ARID4B: variants seen among roughly 807,000 people sequenced by gnomAD.
ARID4B encodes the protein AT-rich interactive domain-containing protein 4B.
ARID4B carries 26 observed loss-of-function variants against 147.5 expected under a neutral mutation model. That is an observed-to-expected ratio of 0.18 (90% CI 0.13 to 0.24). The LOEUF (loss-of-function observed/expected upper bound fraction) is 0.24. ARID4B is among the 10% of genes least tolerant of loss of function. The pLI, the probability that ARID4B is intolerant of heterozygous loss-of-function variation, is 1.00. For missense variants in ARID4B, 1,179 were observed against 1,511.5 expected, an observed-to-expected ratio of 0.78 and a Z score of 3.65; for synonymous variants, 512 against 507.9, an observed-to-expected ratio of 1.01 and a Z score of -0.11.
At position 235,301,038 on chromosome 1, in the gene ARID4B, C is replaced by CTTTTTTT. The variant is rs780839339; in HGVS notation, c.6+25869_6+25875dup. ...CCAACAATACATTTTTTTAAGTATT[C>CTTTTTTT]TTTTTTTTTTTTTTTTTTTTTTTTT... is the stretch of plus-strand genomic sequence containing the variant. On this transcript the variant is annotated intron_variant, in intron 2 of 23. Coordinates refer to ENST00000264183, the MANE Select transcript of ARID4B (RefSeq NM_016374.6). Among the ~76,000 whole-genome samples the CTTTTTTT allele has an allele frequency of 3.3e-3, 373 of 112,214 alleles. 21 individuals are homozygous for CTTTTTTT. The highest frequency in any genetic ancestry group is 0.013 in the African/African-American group (361 of 27,330). The allele number at this position is 112,214 out of a possible 152,430, so 73.6% of individuals were successfully genotyped here.
intron 16 of ARID4B, among the ~76,000 whole-genome samples, chr1:235,216,601 C>G (rs1353967887): frequency 6.6e-6 from 1 of 151,952 alleles, no homozygotes; most frequent in East Asian, 1.9e-4. Flanking sequence ...CCTGGGCCTC[C>G]CGAAGTGCAG....
intron 17 of ARID4B, among the ~76,000 whole-genome samples, chr1:235,205,556 G>A (rs1463939430): frequency 6.6e-6 from 1 of 152,100 alleles, no homozygotes; most frequent in Non-Finnish European, 1.5e-5. Flanking sequence ...TCAGAACACT[G>A]GATTTGGCAA....
At chr1:235,261,641 C>T (rs1670304546) in intron 2 of ARID4B, among the ~76,000 whole-genome samples, 1 of 152,122 alleles carries the variant, frequency 6.6e-6, no homozygotes, top group South Asian at 2.1e-4. Flanking sequence ...AACTTTGAAG[C>T]CAAAATATCT....
chr1:235,180,224 C>A (rs1345740602), intron 20 of ARID4B: 1 of 145,448 alleles, frequency 6.9e-6, no homozygotes, highest in Non-Finnish European at 1.5e-5. Context: ...TCACTGCAGC[C>A]TTTCCGGGAT....
intron 20 of ARID4B, 70 bp from the exon 21 acceptor site, chr1:235,177,983 AT>A: frequency 3.4e-6 from 3 of 877,040 alleles, no homozygotes; most frequent in Non-Finnish European, 5.2e-6. Context: ...TTAATTCCAC[AT>A]TTTAGAAACA....
intron 19 of ARID4B, 138 bp downstream of exon 19, chr1:235,193,875 A>G: frequency 1.7e-6 from 1 of 578,838 alleles, no homozygotes; most frequent in Non-Finnish European, 2.9e-6. Flanking sequence ...GTTAAGAGAT[A>G]TTCAACCTGT....
intron 13 of ARID4B, among the ~76,000 whole-genome samples, chr1:235,222,490 T>C (rs1427117965): frequency 2.0e-5 from 3 of 152,074 alleles, no homozygotes; most frequent in African/African-American, 7.2e-5. Flanking sequence ...CTTTATATTC[T>C]GAAAGGGATT....
At chr1:235,179,773 A>T (rs1664166418) in intron 20 of ARID4B, among the ~76,000 whole-genome samples, 1 of 151,642 alleles carries the variant, frequency 6.6e-6, no homozygotes, top group African/African-American at 2.4e-5. Flanking sequence ...ACAACCTCTT[A>T]AAAACTACAA....
At chr1:235,236,833 A>AAAAAAT (rs1175189621) in intron 8 of ARID4B, among the ~76,000 whole-genome samples, 12 of 33,506 alleles carry the variant, frequency 3.6e-4, no homozygotes, top group African/African-American at 1.5e-3. Flanking sequence ...TTTTATAAAA[A>AAAAAAT]ATATATATAT....
rs536218691 is a variant in ARID4B at position 235,236,186 on chromosome 1, A to T, written c.586-1694T>A. Reference sequence around the variant, plus strand: ...AAACACAAATACTATTTGTGCGATTATATCAAGATTGGTCGATTTAGAACA... The same window carrying T: ...AAACACAAATACTATTTGTGCGATTTTATCAAGATTGGTCGATTTAGAACA... On this transcript the variant is annotated intron_variant, in intron 8 of 23. Coordinates refer to ENST00000264183, the MANE Select transcript of ARID4B (RefSeq NM_016374.6). Among the ~76,000 whole-genome samples, 3 of 152,282 alleles carry T rather than the reference A, an allele frequency of 2.0e-5. No homozygotes were observed. In the South Asian group the frequency reaches 6.2e-4, roughly 32 times the overall value.
At chr1:235,168,775 A>G in intron 23 of ARID4B, 123 bp from the exon 24 acceptor site, 1 of 1,003,878 alleles carries the variant, frequency 1.0e-6, no homozygotes, top group South Asian at 1.7e-5. Flanking sequence ...GCTTACAACA[A>G]CAGTGGTCAA....
chr1:235,202,568 G>C (rs1172133111), intron 17 of ARID4B, among the ~76,000 whole-genome samples: 1 of 138,528 alleles, frequency 7.2e-6, no homozygotes, highest in Non-Finnish European at 1.5e-5. Context: ...TTTTTTTTTT[G>C]AGACGGAGTC....
At chr1:235,195,644 G>A (rs1365315945) in intron 18 of ARID4B, among the ~76,000 whole-genome samples, 1 of 151,868 alleles carries the variant, frequency 6.6e-6, no homozygotes, top group Non-Finnish European at 1.5e-5. Context: ...ACTATAATCA[G>A]ATAAAGAAGA....
chr1:235,226,580 G>C (rs377697174), intron 11 of ARID4B, among the ~76,000 whole-genome samples: 1 of 151,812 alleles, frequency 6.6e-6, no homozygotes. Context: ...GGAGTGCAGT[G>C]GCGTGATCTC....
intron 17 of ARID4B, among the ~76,000 whole-genome samples, chr1:235,202,831 T>C (rs958104182): frequency 7.2e-5 from 11 of 152,122 alleles, no homozygotes; most frequent in Non-Finnish European, 1.5e-4. Context: ...ATTACAGGCG[T>C]GAGCCACCAC....
intron 19 of ARID4B, among the ~76,000 whole-genome samples, chr1:235,187,404 T>C (rs144516885): frequency 1.3e-5 from 2 of 152,336 alleles, no homozygotes; most frequent in African/African-American, 4.8e-5. Context: ...TTATAGATAC[T>C]GTAGGTTCTC....
At chr1:235,327,090 C>T in intron 1 of ARID4B, 122 bp from the exon 2 acceptor site, 3 of 681,322 alleles carry the variant, frequency 4.4e-6, no homozygotes, top group Non-Finnish European at 5.1e-6. Flanking sequence ...CAGGCGCCAG[C>T]CCCCGAACCA....
intron 2 of ARID4B, among the ~76,000 whole-genome samples, chr1:235,286,077 C>T (rs1174025716): frequency 7.7e-6 from 1 of 129,624 alleles, no homozygotes; most frequent in Non-Finnish European, 1.7e-5. Flanking sequence ...GATAGGGTCT[C>T]CCTCTGTTAT....
intron 2 of ARID4B, among the ~76,000 whole-genome samples, chr1:235,286,044 G>GGTTTTGTTTTTT (rs1671944052): frequency 7.2e-6 from 1 of 138,542 alleles, no homozygotes; most frequent in Admixed American, 6.9e-5. Context: ...CTGGCTTTTG[G>GGTTTTGTTTTTT]GTTTTGTTTT....
Sources: gnomAD v4.1 joint callset for allele counts (sites outside exome capture counted in the v4.1 genomes callset) on GRCh38, gnomAD v4.1.1 for gene constraint, MANE v1.5 for transcripts, NCBI Gene and HGNC (gene_info 2026-07-23, HGNC 2026-07-21) for gene names.